PSPC1: variants seen among roughly 807,000 people sequenced by gnomAD.
The protein encoded by PSPC1 is paraspeckle protein 1.
Under a neutral mutation model 51.6 loss-of-function variants are expected in PSPC1, and 14 were observed. The ratio of observed to expected loss-of-function variants is 0.27; its 90% CI spans 0.18 to 0.42. The LOEUF (loss-of-function observed/expected upper bound fraction) is 0.42, where lower values mean the gene tolerates loss of function less well. Ranked by LOEUF, PSPC1 falls within the 10% of genes least tolerant of loss-of-function variation. The pLI, the probability that PSPC1 is intolerant of heterozygous loss-of-function variation, is 1.00. For missense variants in PSPC1, 406 were observed against 701.1 expected, an observed-to-expected ratio of 0.58 and a Z score of 4.75; for synonymous variants, 193 against 231.9, an observed-to-expected ratio of 0.83 and a Z score of 1.53.
intron 5 of PSPC1, among the ~76,000 whole-genome samples, chr13:19,737,599 T>C (rs1206944462): frequency 6.6e-6 from 1 of 152,196 alleles, no homozygotes; most frequent in Non-Finnish European, 1.5e-5. Context: ...GTTTCTCCCT[T>C]TAAATTTAAT....
rs189502257 is a variant in PSPC1 at position 19,751,065 on chromosome 13, G to A, written c.967+206C>T. 1.3e-3 allele frequency among the ~76,000 whole-genome samples: 193 copies of A among 151,872 alleles called. 2 individuals carry two copies. Among genetic ancestry groups the A allele is most frequent in the African/African-American group, 4.5e-3 (188 of 41,492 alleles). On this transcript the variant is annotated intron_variant, in intron 4 of 8. Transcript: ENST00000338910. ...ATTACAGGCGTGAGCCACCGCGCCC[G>A]TCAAGTAAAACTAACTTTTAGTAAG...
chr13:19,677,688 G>A, intron 7 of PSPC1: 1 of 425,158 alleles, frequency 2.4e-6, no homozygotes, highest in Non-Finnish European at 4.6e-6. Context: ...AATACTCAAG[G>A]ATCTGTTAGA....
At chr13:19,730,891 G>T (rs954156976) in intron 5 of PSPC1, among the ~76,000 whole-genome samples, 4 of 148,598 alleles carry the variant, frequency 2.7e-5, no homozygotes, top group South Asian at 2.1e-4. Context: ...AGGTTGCAGT[G>T]AGCGGAGATC....
chr13:19,718,786 G>C (rs1483470278), intron 6 of PSPC1, among the ~76,000 whole-genome samples: 2 of 152,098 alleles, frequency 1.3e-5, no homozygotes, highest in Non-Finnish European at 2.9e-5. Flanking sequence ...ATATTATTCA[G>C]TGCTAAAAAG....
At chr13:19,718,460 A>G (rs3858741) in intron 6 of PSPC1, among the ~76,000 whole-genome samples, 2,647 of 152,360 alleles carry the variant, frequency 0.017, 62 homozygotes, top group African/African-American at 0.058. Flanking sequence ...GAATGGTGAC[A>G]ATCCGAAACA....
intron 6 of PSPC1, chr13:19,678,120 G>T: frequency 3.6e-6 from 1 of 280,758 alleles, no homozygotes; most frequent in Non-Finnish European, 6.9e-6. Context: ...AATTTATTAA[G>T]AATTTAATTG....
intron 7 of PSPC1, among the ~76,000 whole-genome samples, chr13:19,677,052 G>A (rs1407482451): frequency 2.0e-5 from 3 of 152,046 alleles, no homozygotes; most frequent in Admixed American, 2.0e-4. Context: ...GGCTAACACA[G>A]TGAAACCCCG....
intron 2 of PSPC1, among the ~76,000 whole-genome samples, chr13:19,770,946 T>C (rs1297133174): frequency 6.6e-6 from 1 of 151,100 alleles, no homozygotes; most frequent in Non-Finnish European, 1.5e-5. Context: ...TACAACAGAA[T>C]GTCTTTTATT....
At chr13:19,677,543 A>G (rs928284780) in intron 7 of PSPC1, among the ~76,000 whole-genome samples, 1 of 152,222 alleles carries the variant, frequency 6.6e-6, no homozygotes, top group African/African-American at 2.4e-5. Flanking sequence ...GCCAAGCTAT[A>G]GAGGCTTCAG....
chr13:19,731,682 G>A (rs571788567), intron 5 of PSPC1, among the ~76,000 whole-genome samples: 1 of 152,266 alleles, frequency 6.6e-6, no homozygotes, highest in African/African-American at 2.4e-5. Context: ...CCAAAGTGCT[G>A]GGATTACAGG....
chr13:19,676,720 C>A (rs1284110882), intron 7 of PSPC1, among the ~76,000 whole-genome samples: 1 of 152,114 alleles, frequency 6.6e-6, no homozygotes, highest in Non-Finnish European at 1.5e-5. Context: ...GAATAAGACA[C>A]AATAATGTTT....
intron 6 of PSPC1, among the ~76,000 whole-genome samples, chr13:19,726,095 G>C (rs562788836): frequency 2.6e-5 from 4 of 152,120 alleles, no homozygotes; most frequent in Non-Finnish European, 4.4e-5. Flanking sequence ...GTTTGAGGCT[G>C]TAGTGTGCTA....
intron 2 of PSPC1, among the ~76,000 whole-genome samples, chr13:19,766,447 C>A (rs1888075479): frequency 6.6e-6 from 1 of 152,176 alleles, no homozygotes; most frequent in Admixed American, 6.6e-5. Flanking sequence ...AATCCTAGCA[C>A]TTTGGGAGGC....
In PSPC1 at chr13:19,687,870, A is replaced by AT. The variant is rs1254082679; in HGVS notation, c.1159-10048dup. ...AAAAATCTCCTAACGATTTTTGGAG[A>AT]TTTTTTCAATGGGTCTTTATCACAG... On this transcript the variant is annotated intron_variant and NMD_transcript_variant, in intron 6 of 7. Coordinates refer to the PSPC1 transcript ENST00000471658. Among the ~76,000 whole-genome samples the AT allele has an allele frequency of 2.0e-5, 3 of 151,808 alleles. No homozygotes were observed. The East Asian group carries it at 5.8e-4, about 29-fold the overall frequency.
intron 5 of PSPC1, among the ~76,000 whole-genome samples, chr13:19,730,960 A>AAAC (rs1884000906): frequency 2.9e-4 from 7 of 24,202 alleles, no homozygotes; most frequent in Admixed American, 2.2e-3. Context: ...AAAAAAACAA[A>AAAC]AAAACAAAAA....
chr13:19,702,109 T>G (rs1283394072), downstream of PSPC1, among the ~76,000 whole-genome samples: 1 of 156 alleles, frequency 6.4e-3, no homozygotes, highest in Non-Finnish European at 0.013. Flanking sequence ...CTTGGATGTC[T>G]CTCAGCATTA....
At chr13:19,756,832 G>A (rs1053363030) in intron 3 of PSPC1, among the ~76,000 whole-genome samples, 11 of 151,926 alleles carry the variant, frequency 7.2e-5, no homozygotes, top group Admixed American at 3.9e-4. Context: ...TTCTGGAAAC[G>A]TCAAAGACAG....
At chr13:19,756,095 G>A (rs1887042910) in intron 3 of PSPC1, among the ~76,000 whole-genome samples, 1 of 151,992 alleles carries the variant, frequency 6.6e-6, no homozygotes, top group African/African-American at 2.4e-5. Flanking sequence ...AAATTAGCTG[G>A]GTGTGGTGGT....
intron 1 of PSPC1, among the ~76,000 whole-genome samples, chr13:19,776,625 A>G (rs1018214595): frequency 1.3e-5 from 2 of 151,576 alleles, no homozygotes; most frequent in African/African-American, 4.8e-5. Flanking sequence ...CTCCTGCCTC[A>G]GCCTCCCGGG....
Sources: allele counts gnomAD v4.1 joint callset (sites outside exome capture counted in the v4.1 genomes callset), GRCh38; gene constraint gnomAD v4.1.1; transcripts MANE v1.5; gene names NCBI Gene and HGNC (gene_info 2026-07-23, HGNC 2026-07-21).